GHR: variants seen among roughly 807,000 people sequenced by gnomAD.
GHR encodes the protein GH receptor.
In GHR, 35 loss-of-function variants were observed where a neutral mutation model predicts 67.1. The ratio of observed to expected loss-of-function variants is 0.52; its 90% CI spans 0.40 to 0.69. The LOEUF is 0.69. Among genes scored for constraint, GHR ranks in the 30% least tolerant of loss-of-function variants. The pLI is 0.00. For missense variants in GHR, 792 were observed against 764.6 expected (o/e 1.04, Z -0.42); for synonymous variants, 272 against 269.1 (o/e 1.01, Z -0.10).
rs375463809 is a variant in GHR, at chr5:42,652,407, G to A, written c.136+23304G>A. Among the ~76,000 whole-genome samples the A allele has an allele frequency of 2.9e-4, 44 of 152,200 alleles. No individual in the cohort carries two copies. The South Asian group carries it at 9.1e-3, about 32-fold the overall frequency. ...CTTTTTCTTACCCTATGATTTCATT[G>A]ACCTGAAGTGGCTTTTAGTGCCATT... On this transcript the variant is annotated intron_variant, in intron 3 of 9. Transcript: ENST00000230882.
rs1580183167 is a variant in GHR at position 42,678,555 on chromosome 5, A to C, written c.137-10335A>C. 2.0e-5 allele frequency among the ~76,000 whole-genome samples: 3 copies of C among 152,222 alleles called. No individual in the cohort carries two copies. In the East Asian group the frequency reaches 5.8e-4, roughly 29 times the overall value. On this transcript the variant is annotated intron_variant, in intron 3 of 9. Transcript: ENST00000230882. ...GTTTAACAGGTTTCATTAATGATTCAGAGAATCTTATAATATGTCTTAGGA... is the reference window on the plus strand; with the variant it reads ...GTTTAACAGGTTTCATTAATGATTCCGAGAATCTTATAATATGTCTTAGGA...
intron 1 of GHR, among the ~76,000 whole-genome samples, chr5:42,525,214 G>A (rs183860698): frequency 6.6e-6 from 1 of 152,328 alleles, no homozygotes; most frequent in East Asian, 1.9e-4. Flanking sequence ...AGACAGGAGG[G>A]AGACTGTACT....
chr5:42,541,744 A>G (rs1299182862), intron 1 of GHR, among the ~76,000 whole-genome samples: 1 of 152,166 alleles, frequency 6.6e-6, no homozygotes, highest in African/African-American at 2.4e-5. Flanking sequence ...CGCATTCTGG[A>G]TGTAATTTGA....
At chr5:42,501,491 C>A (rs1450642587) in intron 1 of GHR, among the ~76,000 whole-genome samples, 1 of 152,158 alleles carries the variant, frequency 6.6e-6, no homozygotes, top group Non-Finnish European at 1.5e-5. Flanking sequence ...GGCCCAGCTA[C>A]CTCCAATCTA....
intron 7 of GHR, among the ~76,000 whole-genome samples, chr5:42,712,805 C>T (rs926442563): frequency 8.6e-5 from 13 of 151,688 alleles, no homozygotes; most frequent in African/African-American, 2.9e-4. Flanking sequence ...AAGATGGGAG[C>T]CTCAGTAGTG....
chr5:42,465,974 G>A, intron 1 of GHR: 1 of 651,020 alleles, frequency 1.5e-6, no homozygotes, highest in South Asian at 1.8e-5. Context: ...AAGTTGTTGA[G>A]CAGGTCTTCT....
At chr5:42,611,481 A>T (rs1752887607) in intron 2 of GHR, among the ~76,000 whole-genome samples, 3 of 152,190 alleles carry the variant, frequency 2.0e-5, no homozygotes, top group Non-Finnish European at 4.4e-5. Context: ...AAGGTTAATT[A>T]ATCAACATGT....
intron 1 of GHR, among the ~76,000 whole-genome samples, chr5:42,479,787 T>G (rs549485473): frequency 3.9e-5 from 6 of 152,312 alleles, no homozygotes; most frequent in African/African-American, 7.2e-5. Flanking sequence ...TTCTTCTTTA[T>G]TAGTCTTGCT....
rs1742761464 is a variant in GHR, at chr5:42,424,596, G to A, written c.-12+641G>A. ...TGACAGCCACCAGTCCGCATGAACT[G>A]GGGTAAGTGGAAATTGTGGCGAGCC... is the stretch of plus-strand genomic sequence containing the variant. On this transcript the variant is annotated intron_variant, in intron 1 of 9. Transcript: ENST00000230882. This position sits in a 1 kb window ranked among gnomAD's most constrained non-coding sequence, Gnocchi z 4.1. The A allele has an allele frequency of 2.0e-6, 3 of 1,534,520 alleles. No individual in the cohort carries two copies. The highest frequency in any genetic ancestry group is 2.4e-5 in the East Asian group (1 of 40,894).
intron 2 of GHR, among the ~76,000 whole-genome samples, chr5:42,588,275 T>C (rs1751589052): frequency 6.6e-6 from 1 of 151,924 alleles, no homozygotes; most frequent in Non-Finnish European, 1.5e-5. Flanking sequence ...ATCCCAGCGC[T>C]TTAGGAGGCT....
intron 3 of GHR, among the ~76,000 whole-genome samples, chr5:42,640,726 A>G (rs1273498948): frequency 6.6e-6 from 1 of 152,026 alleles, no homozygotes; most frequent in Non-Finnish European, 1.5e-5. Flanking sequence ...TCAGTGTTTC[A>G]TATATAATAA....
At chr5:42,502,441 T>C (rs1746577772) in intron 1 of GHR, among the ~76,000 whole-genome samples, 2 of 152,236 alleles carry the variant, frequency 1.3e-5, no homozygotes, top group South Asian at 4.1e-4. Context: ...TTGCTCTTTA[T>C]AACACATGAC....
At chr5:42,591,156 G>A (rs538636698) in intron 2 of GHR, among the ~76,000 whole-genome samples, 2 of 152,360 alleles carry the variant, frequency 1.3e-5, no homozygotes, top group South Asian at 2.1e-4. Context: ...AAGTTTAAGC[G>A]GTTTTGGCAG....
At chr5:42,425,740 C>G (rs1256416765) in intron 1 of GHR, among the ~76,000 whole-genome samples, 2 of 152,182 alleles carry the variant, frequency 1.3e-5, no homozygotes, top group African/African-American at 4.8e-5. Context: ...GTTGTCCCGT[C>G]TCTCATCATC....
intron 2 of GHR, among the ~76,000 whole-genome samples, chr5:42,587,464 G>T (rs909711050): frequency 6.6e-6 from 1 of 151,984 alleles, no homozygotes; most frequent in Non-Finnish European, 1.5e-5. Flanking sequence ...ATAAATTTTG[G>T]TCCAGAACTC....
At chr5:42,533,371 T>C (rs1177247886) in intron 1 of GHR, among the ~76,000 whole-genome samples, 1 of 152,008 alleles carries the variant, frequency 6.6e-6, no homozygotes, top group Non-Finnish European at 1.5e-5. Flanking sequence ...AATACTTGTC[T>C]CTGTTATATA....
intron 1 of GHR, among the ~76,000 whole-genome samples, chr5:42,495,030 T>C (rs1437646285): frequency 6.6e-6 from 1 of 152,044 alleles, no homozygotes; most frequent in Non-Finnish European, 1.5e-5. Flanking sequence ...CTCCATGTTG[T>C]ATTATTTCAC....
chr5:42,458,566 C>CTGGCAAAGATTCCA, intron 1 of GHR, among the ~76,000 whole-genome samples: 1 of 152,210 alleles, frequency 6.6e-6, no homozygotes, highest in East Asian at 1.9e-4. Flanking sequence ...GACATAGGAC[C>CTGGCAAAGATTCCA]TGGCAAAGAT....
rs1391767936 is a variant in GHR at position 42,718,911 on chromosome 5, C to T, written c.1404C>T (p.His468=). The change falls in exon 10 of 10, where the codon CAC becomes CAT. Residue 468 remains histidine, a synonymous_variant. Coordinates refer to ENST00000230882, the MANE Select transcript of GHR (RefSeq NM_000163.5). ...PLPTEGAEST[H]QAAHIQLSNP... Reference sequence around the variant, plus strand: ...CTACTGAAGGAGCTGAGTCAACTCACCAAGCTGCCCATATTCAGCTAAGCA... The same window carrying T: ...CTACTGAAGGAGCTGAGTCAACTCATCAAGCTGCCCATATTCAGCTAAGCA... 2 of 1,614,100 alleles carry T rather than the reference C, an allele frequency of 1.2e-6. No individual in the cohort carries two copies. The highest frequency in any genetic ancestry group is 2.2e-5 in the South Asian group (2 of 91,068).
Sources: allele counts gnomAD v4.1 joint callset (sites outside exome capture counted in the v4.1 genomes callset), GRCh38; gene constraint gnomAD v4.1.1; non-coding constraint Gnocchi (gnomAD v3.1); transcripts MANE v1.5; gene names NCBI Gene and HGNC (gene_info 2026-07-23, HGNC 2026-07-21).